KCNMA1: variants seen among roughly 807,000 people sequenced by gnomAD.
KCNMA1 encodes potassium calcium-activated channel subfamily M alpha 1, also known as Calcium-activated potassium channel subunit alpha-1.
Under a neutral mutation model 140.0 loss-of-function variants are expected in KCNMA1, and 29 were observed. That is an observed-to-expected ratio of 0.21 (90% CI 0.15 to 0.28). The LOEUF (loss-of-function observed/expected upper bound fraction) is 0.28, where lower values mean the gene tolerates loss of function less well. Among genes scored for constraint, KCNMA1 ranks in the 10% least tolerant of loss-of-function variants. The pLI is 1.00. For synonymous variants in KCNMA1, 612 were observed against 611.9 expected (o/e 1.00, Z 0.00); for missense variants, 880 against 1,602.2 (o/e 0.55, Z 7.70).
intron 19 of KCNMA1, among the ~76,000 whole-genome samples, chr10:76,971,705 G>C (rs1022552380): frequency 6.6e-6 from 1 of 152,118 alleles, no homozygotes; most frequent in Non-Finnish European, 1.5e-5. Flanking sequence ...TAGAGCTCCA[G>C]GCAGAGACTA....
rs537984797 is a variant in KCNMA1 at position 77,104,816 on chromosome 10, CA to C, written c.1223+3664del. Among the ~76,000 whole-genome samples the C allele has an allele frequency of 3.9e-3, 600 of 152,270 alleles. 2 individuals carry two copies. The highest frequency in any genetic ancestry group is 9.8e-3 in the South Asian group (47 of 4,820). The stretch of plus-strand genomic sequence containing the variant: ...GGGAGGAGACCTCTGGGGGAAACTG[CA>C]AGGGGCTGTGAGAGGGAGGAGAGAG... On this transcript the variant is annotated intron_variant, in intron 9 of 27. Coordinates refer to ENST00000286628, the MANE Select transcript of KCNMA1 (RefSeq NM_001161352.2).
intron 3 of KCNMA1, among the ~76,000 whole-genome samples, chr10:77,231,282 T>C (rs928288810): frequency 2.0e-5 from 3 of 152,190 alleles, no homozygotes; most frequent in Non-Finnish European, 4.4e-5. Context: ...ACTGAACAAA[T>C]TGAGTATCAG....
At chr10:77,353,973 G>T (rs1240810835) in intron 2 of KCNMA1, among the ~76,000 whole-genome samples, 47 of 14,842 alleles carry the variant, frequency 3.2e-3, no homozygotes, top group African/African-American at 8.9e-3. Flanking sequence ...CTTTTTTTGG[G>T]GGGGGGGGTG....
chr10:77,204,925 C>T (rs1684264899), intron 3 of KCNMA1, among the ~76,000 whole-genome samples: 15 of 152,168 alleles, frequency 9.9e-5, no homozygotes, highest in Admixed American at 9.8e-4. Flanking sequence ...ACACAATTTC[C>T]ACATTCTGAT....
At chr10:77,426,204 T>A (rs1465094710) in intron 1 of KCNMA1, among the ~76,000 whole-genome samples, 2 of 152,198 alleles carry the variant, frequency 1.3e-5, no homozygotes, top group Non-Finnish European at 2.9e-5. Flanking sequence ...ATGACAGAGA[T>A]GAAAAGAAGA....
intron 2 of KCNMA1, among the ~76,000 whole-genome samples, chr10:77,360,273 T>A (rs866377689): frequency 6.6e-6 from 1 of 152,240 alleles, no homozygotes; most frequent in Middle Eastern, 3.4e-3. Context: ...CCTGCAAAGA[T>A]CTCCCAGTGG....
intron 2 of KCNMA1, chr10:77,314,218 A>T (rs991567997): frequency 6.6e-6 from 1 of 152,144 alleles, no homozygotes; most frequent in Non-Finnish European, 1.5e-5. Flanking sequence ...GAATCTAACC[A>T]TTCATCCAGT....
At chr10:77,269,754 G>A (rs1464138) in intron 2 of KCNMA1, among the ~76,000 whole-genome samples, 35,331 of 152,094 alleles carry the variant, frequency 0.23, 4,369 homozygotes, top group Admixed American at 0.27. Context: ...CTGCACTGGC[G>A]AAGTGGGCAG....
chr10:77,332,705 T>C (rs1193410905), intron 2 of KCNMA1, among the ~76,000 whole-genome samples: 2 of 152,088 alleles, frequency 1.3e-5, no homozygotes, highest in Non-Finnish European at 2.9e-5. Context: ...CTTGAACACA[T>C]CCATGGGATC....
At chr10:77,139,083 A>G (rs2098114717) in intron 5 of KCNMA1, among the ~76,000 whole-genome samples, 1 of 152,252 alleles carries the variant, frequency 6.6e-6, no homozygotes, top group Non-Finnish European at 1.5e-5. Context: ...CTTCTAGAAC[A>G]GTGATGACTG....
chr10:76,946,664 C>G (rs1220161372), intron 22 of KCNMA1, among the ~76,000 whole-genome samples: 1 of 152,174 alleles, frequency 6.6e-6, no homozygotes, highest in East Asian at 1.9e-4. Flanking sequence ...TCTCTTGGTA[C>G]AAAACAAGTC....
intron 1 of KCNMA1, among the ~76,000 whole-genome samples, chr10:77,600,450 C>T (rs1282908520): frequency 2.6e-5 from 4 of 152,136 alleles, no homozygotes; most frequent in Non-Finnish European, 4.4e-5. Context: ...GAAGTTGCTA[C>T]AAAACACACA....
chr10:77,510,900 A>G (rs1209094384), intron 1 of KCNMA1, among the ~76,000 whole-genome samples: 1 of 152,218 alleles, frequency 6.6e-6, no homozygotes, highest in Admixed American at 6.5e-5. Flanking sequence ...ATGACTTTCC[A>G]TGTGGAAACA....
intron 1 of KCNMA1, among the ~76,000 whole-genome samples, chr10:77,484,706 G>C (rs2098441529): frequency 6.6e-6 from 1 of 152,190 alleles, no homozygotes; most frequent in South Asian, 2.1e-4. Flanking sequence ...GTCCAAACAA[G>C]ACATGCTGGG....
At chr10:77,284,057 C>A (rs548795309) in intron 2 of KCNMA1, among the ~76,000 whole-genome samples, 1 of 152,228 alleles carries the variant, frequency 6.6e-6, no homozygotes, top group South Asian at 2.1e-4. Context: ...ATGCAAAGCC[C>A]AGTGGCAAGA....
intron 5 of KCNMA1, among the ~76,000 whole-genome samples, chr10:77,175,538 T>C (rs1218700203): frequency 1.3e-5 from 2 of 152,174 alleles, no homozygotes; most frequent in South Asian, 4.1e-4. Context: ...CCCTGCCACA[T>C]TGCTATCATG....
chr10:77,097,432 G>T (rs1431513273), intron 9 of KCNMA1, among the ~76,000 whole-genome samples: 1 of 152,006 alleles, frequency 6.6e-6, no homozygotes, highest in African/African-American at 2.4e-5. Flanking sequence ...AACTTGCTGG[G>T]CTTTCAGGAA....
chr10:76,973,919 C>G (rs1156637377), intron 19 of KCNMA1: 2 of 152,188 alleles, frequency 1.3e-5, no homozygotes, highest in African/African-American at 2.4e-5. Flanking sequence ...TTAGATGGAC[C>G]TGATGCTCAG....
chr10:77,094,690 A>G (rs926546219), intron 9 of KCNMA1, among the ~76,000 whole-genome samples: 6 of 152,080 alleles, frequency 3.9e-5, no homozygotes, highest in African/African-American at 1.4e-4. Flanking sequence ...TGTCCATTTT[A>G]TTTTATATTA....
Sources: allele counts gnomAD v4.1 joint callset (sites outside exome capture counted in the v4.1 genomes callset), GRCh38; gene constraint gnomAD v4.1.1; transcripts MANE v1.5; gene names NCBI Gene and HGNC (gene_info 2026-07-23, HGNC 2026-07-21).